Variants in MGST2 observed in about 807,000 individuals in gnomAD.
MGST2 encodes the protein microsomal glutathione S-transferase 2, also known as glutathione peroxidase MGST2.
In MGST2, 9 loss-of-function variants were observed where a neutral mutation model predicts 16.6. The observed-to-expected ratio is 0.54, with a 90% confidence interval of 0.33 to 0.95. The LOEUF (loss-of-function observed/expected upper bound fraction) is 0.95. MGST2 is among the 40% of genes least tolerant of loss of function. The probability of loss-of-function intolerance (pLI) is 0.03; values close to 1 mark genes in which losing one functional copy is unlikely to be tolerated. For synonymous variants in MGST2, 79 were observed against 68.0 expected, an observed-to-expected ratio of 1.16 and a Z score of -0.79; for missense variants, 159 against 175.1, an observed-to-expected ratio of 0.91 and a Z score of 0.52.
intron 2 of MGST2, among the ~76,000 whole-genome samples, chr4:139,686,067 C>T (rs949761982): frequency 9.9e-5 from 15 of 152,108 alleles, no homozygotes; most frequent in African/African-American, 3.6e-4. Context: ...TGCAACTTGG[C>T]GTTATACATT....
chr4:139,675,253 C>A (rs1037246081), intron 1 of MGST2, among the ~76,000 whole-genome samples: 6 of 152,132 alleles, frequency 3.9e-5, no homozygotes, highest in Non-Finnish European at 8.8e-5. Flanking sequence ...TTTTTATTTC[C>A]GTGCTTGAGG....
rs111901998 is a variant in MGST2 at position 139,736,168 on chromosome 4, T to A, written c.*49-4044T>A. Among the ~76,000 whole-genome samples the A allele has an allele frequency of 4.0e-3, 613 of 151,830 alleles. 1 individual carries two copies. The highest frequency in any genetic ancestry group is 7.7e-3 in the African/African-American group (317 of 41,392). The stretch of plus-strand genomic sequence containing the variant: ...CTGAATTGGGTCAAGTAAAAAAAAA[T>A]TTTTTTTAAAGGAAGGAATCTTTAG... On this transcript the variant is annotated intron_variant, in intron 5 of 5. Transcript: ENST00000616265.
At chr4:139,694,718 A>G (rs1246701478) in intron 2 of MGST2, among the ~76,000 whole-genome samples, 1 of 152,180 alleles carries the variant, frequency 6.6e-6, no homozygotes, top group African/African-American at 2.4e-5. Flanking sequence ...CTCAGGCCTT[A>G]GTTTCTTCCT....
At chr4:139,723,351 C>A (rs1221517238) in intron 5 of MGST2, among the ~76,000 whole-genome samples, 1 of 152,160 alleles carries the variant, frequency 6.6e-6, no homozygotes, top group Non-Finnish European at 1.5e-5. Context: ...GCTCTTGTTG[C>A]CCAGGCTGGA....
rs138697508 is a variant in MGST2 at position 139,727,277 on chromosome 4, T to C, written c.*49-12935T>C. On this transcript the variant is annotated intron_variant, in intron 5 of 5. Transcript: ENST00000616265. Reference sequence around the variant, plus strand: ...ACAGAAAACTGTTGAAATTAATTGATTGTGTAGACCATTAAAGTGTAGACA... The same window carrying C: ...ACAGAAAACTGTTGAAATTAATTGACTGTGTAGACCATTAAAGTGTAGACA... 7.0e-4 allele frequency among the ~76,000 whole-genome samples: 107 copies of C among 152,364 alleles called. No homozygotes were observed. In the East Asian group the frequency reaches 0.019, roughly 27 times the overall value.
At chr4:139,709,676 T>A (rs186750129) in intron 5 of MGST2, among the ~76,000 whole-genome samples, 3 of 152,340 alleles carry the variant, frequency 2.0e-5, no homozygotes, top group Admixed American at 2.0e-4. Flanking sequence ...AAAATGTTTA[T>A]AATAAAGAGT....
intron 5 of MGST2, chr4:139,719,241 A>G (rs1560766161): frequency 1.4e-6 from 2 of 1,472,078 alleles, no homozygotes; most frequent in Non-Finnish European, 1.8e-6. Flanking sequence ...AAAACAAAAA[A>G]CAAGGATGGG....
rs375314392 is a variant in MGST2, at chr4:139,671,261, G to A, written c.58+5184G>A. ...GGTTCCCTCGGCCAAGAGTGGGTCT[G>A]TTCAGTTGTTTGGGGGTTAGGATTT... On this transcript the variant is annotated intron_variant, in intron 1 of 4. Transcript: ENST00000265498. Among the ~76,000 whole-genome samples the A allele has an allele frequency of 1.1e-3, 173 of 152,254 alleles. 1 individual carries two copies. Among genetic ancestry groups the A allele is most frequent in the African/African-American group, 3.5e-3 (147 of 41,554 alleles).
At chr4:139,740,465 G>A (rs966503803) in exon 6 of MGST2, 4 of 152,074 alleles carry the variant, frequency 2.6e-5, no homozygotes, top group African/African-American at 7.2e-5. Flanking sequence ...CCATATGTTT[G>A]CTACCTTTCT....
At chr4:139,698,579 C>T (rs986700456) in intron 3 of MGST2, 3 of 789,818 alleles carry the variant, frequency 3.8e-6, no homozygotes, top group Non-Finnish European at 6.4e-6. Flanking sequence ...CTTACTTACC[C>T]CCCTTCTCCT....
chr4:139,690,083 C>T (rs1025426816), intron 2 of MGST2, among the ~76,000 whole-genome samples: 1 of 152,128 alleles, frequency 6.6e-6, no homozygotes, highest in African/African-American at 2.4e-5. Context: ...CCTCCGCCTC[C>T]TGGGTTCAAG....
chr4:139,696,322 A>G (rs1726919959), intron 3 of MGST2, among the ~76,000 whole-genome samples: 1 of 152,202 alleles, frequency 6.6e-6, no homozygotes, highest in Admixed American at 6.5e-5. Context: ...AAATGTTTCT[A>G]TATAGTACCA....
At chr4:139,720,016 C>T in intron 5 of MGST2, 1 of 1,614,072 alleles carries the variant, frequency 6.2e-7, no homozygotes, top group East Asian at 2.2e-5. Context: ...CCATTCCAAC[C>T]CCCTGCCCAG....
the MGST2 span, among the ~76,000 whole-genome samples, chr4:139,748,889 C>T: frequency 0.26 from 39,110 of 151,958 alleles, 5,149 homozygotes; most frequent in African/African-American, 0.29. Flanking sequence ...TGCTGGCCTC[C>T]GAAGAGAGCC....
At chr4:139,667,228 A>C (rs995623697) in intron 1 of MGST2, among the ~76,000 whole-genome samples, 1 of 152,160 alleles carries the variant, frequency 6.6e-6, no homozygotes, top group Non-Finnish European at 1.5e-5. Context: ...GGAAGCATAT[A>C]GTTCACGATG....
chr4:139,699,482 G>C (rs1354892272), intron 3 of MGST2, among the ~76,000 whole-genome samples: 1 of 152,146 alleles, frequency 6.6e-6, no homozygotes, highest in African/African-American at 2.4e-5. Flanking sequence ...GTGCATTTGT[G>C]ACAGACCTTT....
At chr4:139,706,807 A>G (rs1644493407), downstream of MGST2, among the ~76,000 whole-genome samples, 1 of 152,204 alleles carries the variant, frequency 6.6e-6, no homozygotes, top group South Asian at 2.1e-4. Context: ...TTGCATTGTC[A>G]CCAGGCAACC....
intron 2 of MGST2, among the ~76,000 whole-genome samples, chr4:139,686,413 G>A (rs1731571704): frequency 6.6e-6 from 1 of 152,148 alleles, no homozygotes; most frequent in African/African-American, 2.4e-5. Flanking sequence ...AGGTATAAGG[G>A]GGTATGTCTG....
intron 5 of MGST2, among the ~76,000 whole-genome samples, chr4:139,738,718 A>T (rs989914990): frequency 6.7e-6 from 1 of 148,548 alleles, no homozygotes; most frequent in Non-Finnish European, 1.5e-5. Flanking sequence ...AGGTACAGAG[A>T]AAAAAAAATG....
Sources: gnomAD v4.1 joint callset for allele counts (sites outside exome capture counted in the v4.1 genomes callset) on GRCh38, gnomAD v4.1.1 for gene constraint, MANE v1.5 for transcripts, NCBI Gene and HGNC (gene_info 2026-07-23, HGNC 2026-07-21) for gene names.